CNOT10: variants seen among roughly 807,000 people sequenced by gnomAD.
The protein encoded by CNOT10 is CCR4-NOT transcription complex, subunit 10.
In CNOT10, 30 loss-of-function variants were observed where a neutral mutation model predicts 94.6. The observed-to-expected ratio is 0.32, with a 90% CI of 0.24 to 0.43. CNOT10 has a LOEUF of 0.43. Among genes scored for constraint, CNOT10 ranks in the 20% least tolerant of loss-of-function variants. The probability of loss-of-function intolerance (pLI) is 1.00; values close to 1 mark genes in which losing one functional copy is unlikely to be tolerated. For missense variants in CNOT10, 759 were observed against 877.2 expected, an observed-to-expected ratio of 0.87 and a Z score of 1.70; for synonymous variants, 289 against 301.6, an observed-to-expected ratio of 0.96 and a Z score of 0.43.
At chr3:32,699,095 T>C (rs1697215041) in intron 1 of CNOT10, among the ~76,000 whole-genome samples, 1 of 152,148 alleles carries the variant, frequency 6.6e-6, no homozygotes, top group Admixed American at 6.5e-5. Flanking sequence ...CAACAACTGG[T>C]TCTTTGAGAT....
In CNOT10 at chr3:32,703,872, G is replaced by A. The variant is rs764404030; in HGVS notation, c.27G>A (p.Gln9=). 4.5e-5 allele frequency: 73 copies of A among 1,611,690 alleles called. No homozygotes were observed. The highest frequency in any genetic ancestry group is 5.3e-5 in the Non-Finnish European group (62 of 1,178,064). The change falls in exon 2 of 19, where the codon CAG becomes CAA. Residue 9 remains glutamine, a synonymous_variant. Coordinates refer to ENST00000328834, the MANE Select transcript of CNOT10 (RefSeq NM_015442.3). ...GTAAAATTTGTGTGTTTGCAGATCA[G>A]GGAGCAGAGAAACATGAAGGCACAG... MAADKPAD[Q]GAEKHEGTGQ... is the part of the protein sequence containing the mutation.
At chr3:32,744,782 C>T (rs1044537965) in intron 13 of CNOT10, among the ~76,000 whole-genome samples, 13 of 152,136 alleles carry the variant, frequency 8.5e-5, no homozygotes, top group African/African-American at 3.1e-4. Context: ...CCAACAGATA[C>T]CACAATCCTC....
intron 13 of CNOT10, among the ~76,000 whole-genome samples, chr3:32,756,979 A>G (rs7647237): frequency 0.99 from 149,920 of 151,424 alleles, 74,242 homozygotes; most frequent in Middle Eastern, 1. Flanking sequence ...GGTGGCGGGC[A>G]CCTGTAATCC....
intron 1 of CNOT10, among the ~76,000 whole-genome samples, chr3:32,701,164 A>G (rs1161306666): frequency 1.3e-5 from 2 of 152,130 alleles, no homozygotes; most frequent in East Asian, 1.9e-4. Context: ...AGTCCCAGCT[A>G]CTTGGGAGGC....
At chr3:32,695,844 T>C (rs1697026709) in intron 1 of CNOT10, 1 of 1,520,956 alleles carries the variant, frequency 6.6e-7, no homozygotes, top group Admixed American at 2.1e-5. Flanking sequence ...AGTCAGTAGT[T>C]ATAAATAATA....
chr3:32,726,003 G>T (rs1352450401), intron 9 of CNOT10, among the ~76,000 whole-genome samples: 4 of 152,006 alleles, frequency 2.6e-5, no homozygotes. Context: ...GGAGTGCAAT[G>T]GTGTGATTTC....
chr3:32,765,027 T>TA (rs770514627), intron 17 of CNOT10: 93 of 1,460,366 alleles, frequency 6.4e-5, no homozygotes, highest in South Asian at 2.0e-4. Flanking sequence ...GATTTTATTT[T>TA]AAAAAAAATT....
chr3:32,713,956 A>G (rs1358174521), intron 5 of CNOT10, among the ~76,000 whole-genome samples: 3 of 152,102 alleles, frequency 2.0e-5, no homozygotes, highest in Admixed American at 2.0e-4. Context: ...TGGTTATTAT[A>G]TATAGTGCTT....
intron 7 of CNOT10, among the ~76,000 whole-genome samples, chr3:32,718,017 C>G (rs1379444373): frequency 6.6e-6 from 1 of 152,132 alleles, no homozygotes; most frequent in African/African-American, 2.4e-5. Context: ...CCACCCTAAT[C>G]TTTCATTGAT....
At chr3:32,759,675 A>C in intron 14 of CNOT10, 104 bp downstream of exon 14, 1 of 788,210 alleles carries the variant, frequency 1.3e-6, no homozygotes, top group Non-Finnish European at 2.1e-6. Context: ...TGGAATATAT[A>C]TTTGTAAGGA....
At chr3:32,729,012 C>T (rs540966699) in intron 10 of CNOT10, among the ~76,000 whole-genome samples, 11 of 152,228 alleles carry the variant, frequency 7.2e-5, no homozygotes, top group African/African-American at 1.9e-4. Context: ...AGGAGAATGA[C>T]GTGAACCCAG....
intron 13 of CNOT10, among the ~76,000 whole-genome samples, chr3:32,749,053 C>A (rs888798835): frequency 1.3e-5 from 2 of 152,142 alleles, no homozygotes; most frequent in Non-Finnish European, 2.9e-5. Flanking sequence ...AACTCCTGAC[C>A]TCAGGTGATC....
chr3:32,730,780 A>T (rs1698906463), intron 10 of CNOT10: 3 of 152,186 alleles, frequency 2.0e-5, no homozygotes, highest in Admixed American at 2.0e-4. Context: ...TCTGGTACAT[A>T]TTATTTCAGA....
intron 1 of CNOT10, among the ~76,000 whole-genome samples, chr3:32,689,734 G>T (rs1429749906): frequency 1.3e-5 from 2 of 152,076 alleles, no homozygotes; most frequent in Non-Finnish European, 2.9e-5. Context: ...TGGGAGAATC[G>T]CTTGAGGCCA....
At chr3:32,694,138 A>T (rs1361233001) in intron 1 of CNOT10, among the ~76,000 whole-genome samples, 2 of 148,410 alleles carry the variant, frequency 1.3e-5, no homozygotes, top group East Asian at 3.9e-4. Context: ...CACTTGATAA[A>T]TTTTTTTTTT....
chr3:32,724,964 G>A (rs992941891), intron 8 of CNOT10, among the ~76,000 whole-genome samples: 1 of 152,142 alleles, frequency 6.6e-6, no homozygotes, highest in Non-Finnish European at 1.5e-5. Context: ...TATTTCATTA[G>A]TGGATGCAAT....
chr3:32,773,268 C>T (rs2125656679), intron 18 of CNOT10, among the ~76,000 whole-genome samples, 189 bp from the exon 19 acceptor site: 1 of 152,244 alleles, frequency 6.6e-6, no homozygotes, highest in East Asian at 1.9e-4. Flanking sequence ...TGGGCCATGC[C>T]CTACATCGCT....
chr3:32,761,018 A>G (rs1700420632), intron 14 of CNOT10, among the ~76,000 whole-genome samples: 1 of 151,810 alleles, frequency 6.6e-6, no homozygotes, highest in Non-Finnish European at 1.5e-5. Flanking sequence ...AATCCCAGCT[A>G]CTCGGGAGGC....
At chr3:32,696,235 GA>G (rs778734704) in intron 1 of CNOT10, among the ~76,000 whole-genome samples, 5 of 151,930 alleles carry the variant, frequency 3.3e-5, no homozygotes, top group Non-Finnish European at 7.4e-5. Flanking sequence ...AGAATCACTT[GA>G]ACCTGGGAAG....
Sources: gnomAD v4.1 joint callset for allele counts (sites outside exome capture counted in the v4.1 genomes callset) on GRCh38, gnomAD v4.1.1 for gene constraint, MANE v1.5 for transcripts, NCBI Gene and HGNC (gene_info 2026-07-23, HGNC 2026-07-21) for gene names.